The following RAF1 variants were observed in gnomAD, a reference collection of about 807,000 sequenced individuals.
The protein encoded by RAF1 is RAF proto-oncogene serine/threonine-protein kinase.
Under a neutral mutation model 81.1 loss-of-function variants are expected in RAF1, and 27 were observed. The ratio of observed to expected loss-of-function variants is 0.33; its 90% CI spans 0.25 to 0.46. The LOEUF is 0.46. Ranked by LOEUF, RAF1 falls within the 20% of genes least tolerant of loss-of-function variation. The probability of loss-of-function intolerance (pLI) is 1.00; values close to 1 mark genes in which losing one functional copy is unlikely to be tolerated. For synonymous variants in RAF1, 298 were observed against 294.0 expected, an observed-to-expected ratio of 1.01 and a Z score of -0.14; for missense variants, 598 against 826.0, an observed-to-expected ratio of 0.72 and a Z score of 3.38.
At chr3:12,653,356 G>A (rs1230247007) in intron 1 of RAF1, among the ~76,000 whole-genome samples, 3 of 152,108 alleles carry the variant, frequency 2.0e-5, no homozygotes, top group Non-Finnish European at 2.9e-5. Flanking sequence ...CTATTGCAGT[G>A]AACTCAAGTG....
At chr3:12,593,843 T>A (rs2058604379) in intron 11 of RAF1, among the ~76,000 whole-genome samples, 2 of 148,830 alleles carry the variant, frequency 1.3e-5, no homozygotes, top group African/African-American at 2.5e-5. Flanking sequence ...TTGCCCAGGC[T>A]GGCCTCAAAC....
At position 12,663,710 on chromosome 3, in the gene RAF1, G is replaced by A. The variant is rs777231454; in HGVS notation, c.-27+103C>T. On this transcript the variant is annotated intron_variant, in intron 1 of 17. Coordinates refer to ENST00000442415, the MANE Select transcript of RAF1 (RefSeq NM_001354689.3). The stretch of plus-strand genomic sequence containing the variant: ...CAAGCCCTCTGCCCGGCAGCCGCGG[G>A]GCCGCTCCATCAGCGCCACCCAGGC... 53 of 393,068 alleles carry A rather than the reference G, an allele frequency of 1.3e-4. 1 individual carries two copies. The highest frequency in any genetic ancestry group is 4.4e-4 in the Admixed American group (10 of 22,550). 24.3% of individuals were successfully genotyped at this position (393,068 alleles called of 1,614,324 possible). A position where few individuals can be genotyped will look rare whatever the true frequency, so the allele number is the denominator to read the frequency against.
Position 12,597,652 on chromosome 3 carries a change from C to T in RAF1, c.1168+2039G>A, listed in dbSNP as rs967664490. 5.5e-4 allele frequency among the ~76,000 whole-genome samples: 83 copies of T among 152,132 alleles called. 3 individuals carry two copies. Among genetic ancestry groups the T allele is most frequent in the Non-Finnish European group, 1.0e-4 (7 of 68,022 alleles). ...GCAACTGGCTGAGCACAGTGGCTCA[C>T]ACCTGCAATCCCAGTACTTTGGGAG... is the stretch of plus-strand genomic sequence containing the variant. On this transcript the variant is annotated intron_variant, in intron 11 of 17. Transcript: ENST00000442415.
chr3:12,621,119 G>C (rs1323223166), intron 1 of RAF1, among the ~76,000 whole-genome samples: 2 of 152,086 alleles, frequency 1.3e-5, no homozygotes, highest in Admixed American at 1.3e-4. Context: ...TTATGAGGCA[G>C]GATACACAGC....
intron 3 of RAF1, among the ~76,000 whole-genome samples, chr3:12,610,099 A>G (rs1436356011): frequency 6.6e-6 from 1 of 152,260 alleles, no homozygotes; most frequent in Non-Finnish European, 1.5e-5. Context: ...TGCCTACAGT[A>G]TAAATAAGAC....
At chr3:12,659,363 G>A (rs2060801852) in intron 1 of RAF1, among the ~76,000 whole-genome samples, 2 of 128,772 alleles carry the variant, frequency 1.6e-5, no homozygotes, top group Admixed American at 2.0e-4. Flanking sequence ...GGGAGACGGA[G>A]GTTGTAGTGA....
intron 1 of RAF1, 69 bp from the exon 2 acceptor site, chr3:12,618,816 G>C (rs1198173370): frequency 5.8e-6 from 7 of 1,214,054 alleles, no homozygotes; most frequent in Non-Finnish European, 8.3e-6. Flanking sequence ...AATACATAAA[G>C]AGTAATTATG....
chr3:12,592,591 A>G (rs1032191250), intron 11 of RAF1, among the ~76,000 whole-genome samples: 1 of 152,046 alleles, frequency 6.6e-6, no homozygotes, highest in African/African-American at 2.4e-5. Flanking sequence ...CAGGATCAAA[A>G]CCCCAGTCTG....
At chr3:12,627,948 C>T (rs1309446662) in intron 1 of RAF1, among the ~76,000 whole-genome samples, 1 of 152,142 alleles carries the variant, frequency 6.6e-6, no homozygotes, top group Non-Finnish European at 1.5e-5. Flanking sequence ...GGCAAAATCC[C>T]GTCTCTACTA....
At chr3:12,602,365 G>A (rs1260178622) in intron 8 of RAF1, among the ~76,000 whole-genome samples, 2 of 152,274 alleles carry the variant, frequency 1.3e-5, no homozygotes, top group Admixed American at 1.3e-4. Context: ...CACAACAATT[G>A]TGCTAATTCT....
intron 8 of RAF1, among the ~76,000 whole-genome samples, 153 bp from the exon 8 acceptor site, chr3:12,600,568 T>C (rs1482669024): frequency 6.6e-6 from 1 of 152,260 alleles, no homozygotes; most frequent in Non-Finnish European, 1.5e-5. Flanking sequence ...TCAACGTTCC[T>C]TGATTAAATT....
intron 13 of RAF1, chr3:12,588,694 G>GA (rs2058408548): frequency 6.6e-6 from 1 of 152,108 alleles, no homozygotes; most frequent in African/African-American, 2.4e-5. Context: ...CATTTATATT[G>GA]AACTATAAAG....
intron 5 of RAF1, 31 bp from the exon 6 acceptor site, chr3:12,606,330 A>G (rs748106451): frequency 6.7e-7 from 1 of 1,499,468 alleles, no homozygotes; most frequent in Admixed American, 1.7e-5. Context: ...ACTGGTTTTT[A>G]GGCTTGCAGT....
intron 1 of RAF1, among the ~76,000 whole-genome samples, chr3:12,652,353 T>G (rs557640611): frequency 2.7e-5 from 4 of 149,364 alleles, no homozygotes; most frequent in African/African-American, 9.9e-5. Flanking sequence ...AAGCCCCGTC[T>G]CTACTAAAAA....
At chr3:12,626,303 T>C (rs1271276395) in intron 1 of RAF1, among the ~76,000 whole-genome samples, 1 of 150,920 alleles carries the variant, frequency 6.6e-6, no homozygotes, top group Non-Finnish European at 1.5e-5. Flanking sequence ...TAATTGTTCA[T>C]GGGCTGGGCA....
At position 12,604,122 on chromosome 3, in the gene RAF1, A is replaced by G. The variant is rs781568286; in HGVS notation, c.834+14T>C. On this transcript the variant is annotated intron_variant, in intron 7 of 17. Transcript: ENST00000442415. ...TAATTGACTGACATTACCACCCCCA[A>G]GGTGCCCTATTACCTCAATCATCCT... 1 of 1,613,912 alleles carries G rather than the reference A, an allele frequency of 6.2e-7. No homozygotes were observed. The highest frequency in any genetic ancestry group is 8.5e-7 in the Non-Finnish European group (1 of 1,179,988).
intron 1 of RAF1, among the ~76,000 whole-genome samples, chr3:12,620,696 T>C (rs1239250601): frequency 2.0e-5 from 3 of 152,140 alleles, no homozygotes; most frequent in Non-Finnish European, 4.4e-5. Flanking sequence ...CAGGCTGGTC[T>C]TGAACTCCTG....
chr3:12,600,119 T>C (rs1230267452), intron 10 of RAF1, 33 bp downstream of exon 9: 1 of 1,613,754 alleles, frequency 6.2e-7, no homozygotes, highest in Non-Finnish European at 8.5e-7. Flanking sequence ...TACTGAACCC[T>C]AATTGGCAGG....
At chr3:12,636,796 G>C (rs1316812224) in intron 1 of RAF1, among the ~76,000 whole-genome samples, 5 of 151,642 alleles carry the variant, frequency 3.3e-5, no homozygotes, top group African/African-American at 1.2e-4. Context: ...AACAGAGCAA[G>C]ACCTTGTCTC....
Sources: gnomAD v4.1 joint callset for allele counts (sites outside exome capture counted in the v4.1 genomes callset) on GRCh38, gnomAD v4.1.1 for gene constraint, MANE v1.5 for transcripts, NCBI Gene and HGNC (gene_info 2026-07-23, HGNC 2026-07-21) for gene names.